The following KDM2A variants were observed in gnomAD, a reference collection of about 807,000 sequenced individuals.
KDM2A encodes lysine demethylase 2A.
In KDM2A, 3 loss-of-function variants were observed where a neutral mutation model predicts 137.3. That is an observed-to-expected ratio of 0.02 (90% CI 0.01 to 0.06). KDM2A has a LOEUF of 0.06. KDM2A is among the 10% of genes least tolerant of loss of function. KDM2A has a pLI of 1.00. For missense variants in KDM2A, 738 were observed against 1,510.6 expected, an observed-to-expected ratio of 0.49 and a Z score of 8.48; for synonymous variants, 512 against 541.5, an observed-to-expected ratio of 0.95 and a Z score of 0.76.
In KDM2A at chr11:67,221,306, ATGT is replaced by A. The variant is rs143036584; in HGVS notation, c.957+1905_957+1907del. On this transcript the variant is annotated intron_variant, in intron 10 of 20. Coordinates refer to ENST00000529006, the MANE Select transcript of KDM2A (RefSeq NM_012308.3). The stretch of plus-strand genomic sequence containing the variant: ...TATGGAGATGAGCAGATGTGGAGAA[ATGT>A]TAACAGTTGGAGAATTGCAGAGAAG... Among the ~76,000 whole-genome samples, 446 of 152,356 alleles carry A rather than the reference ATGT, an allele frequency of 2.9e-3. 2 individuals are homozygous for A. Among genetic ancestry groups the A allele is most frequent in the African/African-American group, 0.01 (420 of 41,578 alleles).
At chr11:67,122,757 G>T (rs747134954) in intron 2 of KDM2A, among the ~76,000 whole-genome samples, 1 of 150,606 alleles carries the variant, frequency 6.6e-6, no homozygotes, top group African/African-American at 2.4e-5. Flanking sequence ...CTCACTGCAC[G>T]CTCCGCCTCC....
At chr11:67,167,450 G>A (rs560640950) in intron 2 of KDM2A, among the ~76,000 whole-genome samples, 64 of 152,244 alleles carry the variant, frequency 4.2e-4, no homozygotes, top group African/African-American at 1.3e-3. Flanking sequence ...TGTGGTCAGG[G>A]TAAGTGTATC....
intron 2 of KDM2A, among the ~76,000 whole-genome samples, chr11:67,141,663 T>C (rs1856100904): frequency 2.0e-5 from 1 of 48,880 alleles, no homozygotes; most frequent in African/African-American, 1.4e-4. Context: ...TGAGACTCGT[T>C]CCAAAAAAAA....
rs1857098024 is a variant in KDM2A at position 67,181,898 on chromosome 11, T to C, written c.307+6T>C. On this transcript the variant is annotated splice_donor_region_variant and intron_variant, in intron 5 of 20. Transcript: ENST00000529006. Reference sequence around the variant, plus strand: ...TGATGTCAAAATGTGTGTGGGTAAGTGTCGAGCTTTTGGCCTCTGTCTTTA... The same window carrying C: ...TGATGTCAAAATGTGTGTGGGTAAGCGTCGAGCTTTTGGCCTCTGTCTTTA... 1 of 1,613,650 alleles carries C rather than the reference T, an allele frequency of 6.2e-7. No individual in the cohort carries two copies.
At chr11:67,218,812 T>C (rs1858246261) in intron 9 of KDM2A, among the ~76,000 whole-genome samples, 1 of 152,192 alleles carries the variant, frequency 6.6e-6, no homozygotes, top group Admixed American at 6.5e-5. Context: ...GGTTTCACCA[T>C]GTTGGCCAGG....
chr11:67,135,790 T>C (rs941980030), intron 2 of KDM2A, among the ~76,000 whole-genome samples: 4 of 152,252 alleles, frequency 2.6e-5, no homozygotes, highest in Non-Finnish European at 5.9e-5. Flanking sequence ...TGGACAGTGC[T>C]ACATGTTGGG....
intron 8 of KDM2A, among the ~76,000 whole-genome samples, chr11:67,216,845 A>G (rs1289833952): frequency 6.6e-6 from 1 of 152,048 alleles, no homozygotes; most frequent in Non-Finnish European, 1.5e-5. Flanking sequence ...GCTTGAACCC[A>G]CAAGGTGGAG....
At chr11:67,171,275 C>T (rs1487884377) in intron 2 of KDM2A, among the ~76,000 whole-genome samples, 1 of 152,120 alleles carries the variant, frequency 6.6e-6, no homozygotes, top group Non-Finnish European at 1.5e-5. Flanking sequence ...CCTCAGTGTT[C>T]CTAGTCAGGA....
At chr11:67,235,419 C>T (rs1390273781) in intron 12 of KDM2A, among the ~76,000 whole-genome samples, 1 of 151,340 alleles carries the variant, frequency 6.6e-6, no homozygotes, top group Admixed American at 6.6e-5. Flanking sequence ...ATTCTCCTGC[C>T]TCAGCCTCCC....
At position 67,254,916 on chromosome 11, in the gene KDM2A, G is replaced by T; in HGVS notation, c.3350G>T (p.Arg1117Leu). ...GACCAGACCCTGATCTACCTACGGC[G>T]CATTGCCAACGTCACCTTGATCGAC... The part of the protein sequence containing the change: ...LTDQTLIYLR[R>L]IANVTLIDLR... The change falls in exon 21 of 21, where the codon CGC (arginine) becomes CTC (leucine). Residue 1117 changes from arginine to leucine, a missense_variant. Arg to Leu is a moderately radical substitution (Grantham distance 102). This residue lies in a region of KDM2A where 166 missense variants were observed against 324.0 expected (regional missense o/e 0.51). Coordinates refer to ENST00000529006, the MANE Select transcript of KDM2A (RefSeq NM_012308.3). This position sits in a 1 kb window ranked among gnomAD's most constrained non-coding sequence, Gnocchi z 4.7. The T allele has an allele frequency of 1.2e-6, 2 of 1,613,940 alleles. No homozygotes were observed. Among genetic ancestry groups the T allele is most frequent in the Non-Finnish European group, 1.7e-6 (2 of 1,179,884 alleles).
chr11:67,183,757 T>G (rs1184330945), intron 5 of KDM2A, among the ~76,000 whole-genome samples: 1 of 152,054 alleles, frequency 6.6e-6, no homozygotes, highest in East Asian at 1.9e-4. Context: ...TTCCTCCAAA[T>G]AATGGGATCC....
intron 2 of KDM2A, among the ~76,000 whole-genome samples, chr11:67,170,327 T>A (rs1220943067): frequency 6.7e-6 from 1 of 149,870 alleles, no homozygotes; most frequent in African/African-American, 2.4e-5. Flanking sequence ...TTAACAAATA[T>A]CAGAAATCTC....
intron 2 of KDM2A, among the ~76,000 whole-genome samples, chr11:67,122,950 C>T (rs1030952748): frequency 2.6e-5 from 4 of 151,930 alleles, no homozygotes; most frequent in African/African-American, 9.7e-5. Context: ...GCTGGGATTA[C>T]AGGTGTGAGC....
chr11:67,131,603 G>C (rs1038140126), intron 2 of KDM2A, among the ~76,000 whole-genome samples: 1 of 151,642 alleles, frequency 6.6e-6, no homozygotes, highest in African/African-American at 2.4e-5. Flanking sequence ...GTAGAGATGG[G>C]GTTTTACCAT....
chr11:67,227,551 T>G (rs1858583646), intron 10 of KDM2A, among the ~76,000 whole-genome samples: 2 of 152,164 alleles, frequency 1.3e-5, no homozygotes, highest in South Asian at 4.1e-4. Context: ...TGGTTCTAAA[T>G]GGTCTTCCTC....
At chr11:67,247,519 C>T (rs1173947709) in intron 15 of KDM2A, among the ~76,000 whole-genome samples, 1 of 137,538 alleles carries the variant, frequency 7.3e-6, no homozygotes. Flanking sequence ...CCTCCATCTT[C>T]TGGGTTCAAG....
At chr11:67,133,262 G>A (rs375446169) in intron 2 of KDM2A, among the ~76,000 whole-genome samples, 17 of 152,182 alleles carry the variant, frequency 1.1e-4, no homozygotes, top group African/African-American at 3.6e-4. Context: ...ACCACACTGC[G>A]CTAATTTTGT....
chr11:67,219,181 C>G, intron 9 of KDM2A, 107 bp from the exon 10 acceptor site: 2 of 461,136 alleles, frequency 4.3e-6, no homozygotes, highest in Middle Eastern at 3.5e-4. Context: ...CACTAAGAAG[C>G]AGAATCAGAG....
chr11:67,143,477 C>G (rs1321612073), intron 2 of KDM2A: 2 of 152,086 alleles, frequency 1.3e-5, no homozygotes, highest in South Asian at 2.1e-4. Flanking sequence ...AAGCATGAAG[C>G]AAATACCTGT....
Sources: gnomAD v4.1 joint callset for allele counts (sites outside exome capture counted in the v4.1 genomes callset) on GRCh38, gnomAD v4.1.1 for gene constraint, gnomAD v4.1.1 regional missense constraint, Gnocchi (gnomAD v3.1) non-coding constraint, MANE v1.5 for transcripts, NCBI Gene and HGNC (gene_info 2026-07-23, HGNC 2026-07-21) for gene names.